CCSER1: variants seen among roughly 807,000 people sequenced by gnomAD.
CCSER1 encodes the protein coiled-coil serine rich protein 1.
CCSER1 carries 41 observed loss-of-function variants against 82.0 expected under a neutral mutation model. The ratio of observed to expected loss-of-function variants is 0.50; its 90% CI spans 0.39 to 0.65. The LOEUF (loss-of-function observed/expected upper bound fraction) is 0.65. Among genes scored for constraint, CCSER1 ranks in the 30% least tolerant of loss-of-function variants. The pLI, the probability that CCSER1 is intolerant of heterozygous loss-of-function variation, is 0.00. For synonymous variants in CCSER1, 414 were observed against 383.9 expected, an observed-to-expected ratio of 1.08 and a Z score of -0.92; for missense variants, 1,119 against 1,064.2, an observed-to-expected ratio of 1.05 and a Z score of -0.72.
chr4:90,218,394 AC>A (rs974831881), intron 1 of CCSER1, among the ~76,000 whole-genome samples: 2 of 152,092 alleles, frequency 1.3e-5, no homozygotes, highest in Admixed American at 1.3e-4. Context: ...GATCATTTGT[AC>A]CCCAAAACCC....
intron 9 of CCSER1, among the ~76,000 whole-genome samples, chr4:91,004,982 A>C (rs780975963): frequency 6.6e-6 from 1 of 152,204 alleles, no homozygotes; most frequent in Non-Finnish European, 1.5e-5. Flanking sequence ...CTTAGCAACT[A>C]TAAGTAGGAC....
intron 1 of CCSER1, among the ~76,000 whole-genome samples, chr4:90,178,197 A>G (rs1733060524): frequency 6.6e-6 from 1 of 152,164 alleles, no homozygotes; most frequent in African/African-American, 2.4e-5. Context: ...CAGCAAATTA[A>G]TATAATCAAA....
chr4:91,270,477 T>C (rs1560556617), intron 10 of CCSER1, among the ~76,000 whole-genome samples: 1 of 152,178 alleles, frequency 6.6e-6, no homozygotes. Context: ...TCTTTTTCCT[T>C]TCTTTCATGG....
chr4:90,396,006 A>G (rs879902291), intron 3 of CCSER1, among the ~76,000 whole-genome samples: 31 of 151,916 alleles, frequency 2.0e-4, no homozygotes, highest in Non-Finnish European at 3.8e-4. Context: ...GCTTAAACCC[A>G]GGGGGCAGAG....
intron 9 of CCSER1, among the ~76,000 whole-genome samples, chr4:91,064,173 C>A (rs1264811689): frequency 6.6e-6 from 1 of 152,026 alleles, no homozygotes; most frequent in East Asian, 1.9e-4. Context: ...TTGGGTTATT[C>A]AGCTTTTGTG....
At chr4:90,945,122 C>A (rs1732075606) in intron 9 of CCSER1, among the ~76,000 whole-genome samples, 1 of 151,988 alleles carries the variant, frequency 6.6e-6, no homozygotes, top group Non-Finnish European at 1.5e-5. Context: ...TCACTTTCAG[C>A]AAACTCAGAA....
chr4:91,026,641 T>G (rs930276769), intron 9 of CCSER1, among the ~76,000 whole-genome samples: 3 of 152,118 alleles, frequency 2.0e-5, no homozygotes, highest in African/African-American at 7.2e-5. Flanking sequence ...TCTTTGGTTT[T>G]CTATACACGG....
At chr4:90,989,642 G>A (rs2150443077) in intron 9 of CCSER1, among the ~76,000 whole-genome samples, 1 of 151,898 alleles carries the variant, frequency 6.6e-6, no homozygotes, top group South Asian at 2.1e-4. Context: ...AAAGGTGGAA[G>A]GAAGAATGCC....
At chr4:91,422,597 T>G (rs546208911) in intron 10 of CCSER1, among the ~76,000 whole-genome samples, 1 of 152,314 alleles carries the variant, frequency 6.6e-6, no homozygotes, top group African/African-American at 2.4e-5. Context: ...TTTTTTAATT[T>G]TCAAAATATT....
chr4:90,158,865 G>A (rs1406148459), intron 1 of CCSER1, among the ~76,000 whole-genome samples: 2 of 152,006 alleles, frequency 1.3e-5, no homozygotes, highest in Admixed American at 6.5e-5. Flanking sequence ...TTCGGCTCGC[G>A]CAGGGTGTGC....
chr4:90,290,995 C>A (rs1263820154), intron 1 of CCSER1, among the ~76,000 whole-genome samples: 2 of 133,618 alleles, frequency 1.5e-5, no homozygotes, highest in African/African-American at 7.8e-5. Flanking sequence ...TTTGCCTTTA[C>A]TTTTCTGAAC....
rs141688832 is a variant in CCSER1 at position 90,928,961 on chromosome 4, A to G, written c.2172+5514A>G. On this transcript the variant is annotated intron_variant, in intron 9 of 10. Transcript: ENST00000509176. ...AGGGAACAGCCGACGCAACTTCTATATCATATTCATCTAGCATAAGCACTG... is the reference window on the plus strand; with the variant it reads ...AGGGAACAGCCGACGCAACTTCTATGTCATATTCATCTAGCATAAGCACTG... Among the ~76,000 whole-genome samples the G allele has an allele frequency of 6.3e-3, 958 of 152,232 alleles. 6 individuals carry two copies. The highest frequency in any genetic ancestry group is 0.021 in the African/African-American group (858 of 41,566).
intron 6 of CCSER1, among the ~76,000 whole-genome samples, chr4:90,675,563 A>G (rs1156257183): frequency 6.6e-6 from 1 of 151,578 alleles, no homozygotes; most frequent in Admixed American, 6.6e-5. Context: ...TTTTGCCTGT[A>G]CTGACATATT....
At chr4:90,815,362 A>G (rs1178862061) in intron 7 of CCSER1, among the ~76,000 whole-genome samples, 2 of 152,212 alleles carry the variant, frequency 1.3e-5, no homozygotes, top group Non-Finnish European at 2.9e-5. Context: ...CCATATCAGT[A>G]TCTTTTTAAA....
intron 8 of CCSER1, among the ~76,000 whole-genome samples, chr4:90,831,346 G>A (rs1032813577): frequency 2.6e-5 from 4 of 152,074 alleles, no homozygotes. Context: ...TGAGATATTG[G>A]ATTGCATAGC....
chr4:90,805,602 G>A (rs1189767502), intron 7 of CCSER1, among the ~76,000 whole-genome samples: 1 of 152,204 alleles, frequency 6.6e-6, no homozygotes, highest in East Asian at 1.9e-4. Context: ...TTTTCAATAG[G>A]AATACTAGCA....
At chr4:91,325,774 A>G (rs1442831155) in intron 10 of CCSER1, among the ~76,000 whole-genome samples, 1 of 152,202 alleles carries the variant, frequency 6.6e-6, no homozygotes, top group African/African-American at 2.4e-5. Context: ...ATATGACTTC[A>G]GCCTTCTCCA....
At chr4:90,695,730 T>A (rs1736875832) in intron 6 of CCSER1, among the ~76,000 whole-genome samples, 1 of 152,072 alleles carries the variant, frequency 6.6e-6, no homozygotes, top group African/African-American at 2.4e-5. Flanking sequence ...TTTATTTCAT[T>A]TACTGATATT....
chr4:91,416,682 A>ATATC (rs1003610591), intron 10 of CCSER1, among the ~76,000 whole-genome samples: 3 of 152,190 alleles, frequency 2.0e-5, no homozygotes, highest in Non-Finnish European at 4.4e-5. Flanking sequence ...CCCCTTCCTT[A>ATATC]TATCTTATAC....
Sources: allele counts gnomAD v4.1 joint callset (sites outside exome capture counted in the v4.1 genomes callset), GRCh38; gene constraint gnomAD v4.1.1; transcripts MANE v1.5; gene names NCBI Gene and HGNC (gene_info 2026-07-23, HGNC 2026-07-21).